Variants in DLG1 observed in about 807,000 individuals in gnomAD.
DLG1 encodes disks large homolog 1.
DLG1 carries 42 observed loss-of-function variants against 123.4 expected under a neutral mutation model. That is an observed-to-expected ratio of 0.34 (90% CI 0.27 to 0.44). DLG1 has a LOEUF of 0.44. DLG1 is among the 20% of genes least tolerant of loss of function. DLG1 has a pLI of 1.00. For missense variants in DLG1, 942 were observed against 1,082.6 expected (o/e 0.87, Z 1.82); for synonymous variants, 317 against 356.2 (o/e 0.89, Z 1.24).
intron 2 of DLG1, 161 bp downstream of exon 2, chr3:197,297,025 C>A: frequency 1.3e-6 from 1 of 754,878 alleles, no homozygotes; most frequent in Non-Finnish European, 2.1e-6. Flanking sequence ...TTTCGTGTTT[C>A]CATCTTCTGA....
intron 5 of DLG1, among the ~76,000 whole-genome samples, chr3:197,177,815 G>A (rs1244759991): frequency 6.6e-6 from 1 of 152,068 alleles, no homozygotes; most frequent in African/African-American, 2.4e-5. Flanking sequence ...ATTTCCTTGT[G>A]TGTATTTCTT....
chr3:197,115,046 C>G (rs1292173471), intron 13 of DLG1, among the ~76,000 whole-genome samples: 2 of 130,540 alleles, frequency 1.5e-5, no homozygotes, highest in Non-Finnish European at 3.3e-5. Context: ...CAGTCCTATA[C>G]AACAAATAAC....
intron 4 of DLG1, among the ~76,000 whole-genome samples, chr3:197,198,424 T>C (rs1433605138): frequency 1.4e-5 from 2 of 147,040 alleles, no homozygotes; most frequent in Admixed American, 7.0e-5. Context: ...GAAGTGGAGG[T>C]TGCAGTGAGT....
At chr3:197,140,051 T>G in intron 8 of DLG1, 89 bp downstream of exon 8, 1 of 1,421,072 alleles carries the variant, frequency 7.0e-7, no homozygotes, top group Non-Finnish European at 9.6e-7. Context: ...ATGATCGTGT[T>G]TGTTATTTGT....
In DLG1 at chr3:197,266,337, C is replaced by T. The variant is rs113528645; in HGVS notation, c.318+16342G>A. ...ATTTTAAAAGTTACTTTAACTCTGT[C>T]CCTTATGTTTATGAAGACAGAGAAG... On this transcript the variant is annotated intron_variant, in intron 4 of 24. Coordinates refer to ENST00000667157, the MANE Select transcript of DLG1 (RefSeq NM_001366207.1). Among the ~76,000 whole-genome samples, 1,158 of 152,148 alleles carry T rather than the reference C, an allele frequency of 7.6e-3. 11 individuals carry two copies. The highest frequency in any genetic ancestry group is 0.025 in the African/African-American group (1,046 of 41,488).
intron 7 of DLG1, 61 bp from the exon 8 acceptor site, chr3:197,140,325 G>A: frequency 6.5e-7 from 1 of 1,546,374 alleles, no homozygotes; most frequent in Admixed American, 1.8e-5. Context: ...ACAGGTTCCT[G>A]TCATTAAAGG....
chr3:197,253,957 C>T lies in DLG1; in HGVS notation c.318+28722G>A, dbSNP rs545137968. On this transcript the variant is annotated intron_variant, in intron 4 of 24. Transcript: ENST00000667157. The stretch of plus-strand genomic sequence containing the variant: ...AAAAGGAAATGGAAATTTCTGCACA[C>T]GAAGGAAAGAATCTAAACCCCAAAG... Among the ~76,000 whole-genome samples the T allele has an allele frequency of 4.6e-5, 7 of 151,542 alleles. No homozygotes were observed. The East Asian group carries it at 1.2e-3, about 25-fold the overall frequency.
chr3:197,189,579 T>C (rs1718135716), intron 5 of DLG1, among the ~76,000 whole-genome samples: 1 of 152,132 alleles, frequency 6.6e-6, no homozygotes, highest in South Asian at 2.1e-4. Flanking sequence ...GGACTAGTGG[T>C]TTCACTTAAG....
intron 2 of DLG1, 120 bp from the exon 3 acceptor site, chr3:197,296,597 T>C (rs1000230148): frequency 1.4e-5 from 12 of 835,908 alleles, no homozygotes; most frequent in Admixed American, 4.5e-5. Flanking sequence ...GGTCAATTGA[T>C]GTCACTATGT....
chr3:197,080,986 C>T (rs1750797493), intron 17 of DLG1, 65 bp downstream of exon 17: 1 of 1,440,696 alleles, frequency 6.9e-7, no homozygotes, highest in Admixed American at 1.8e-5. Flanking sequence ...ATAGCAAAAT[C>T]CTTTTCATTT....
At chr3:197,141,979 T>A (rs1461559239) in intron 7 of DLG1, among the ~76,000 whole-genome samples, 1 of 152,216 alleles carries the variant, frequency 6.6e-6, no homozygotes, top group East Asian at 1.9e-4. Context: ...AGTGCTGGGA[T>A]TACAGGCGTG....
At position 197,051,562 on chromosome 3, in the gene DLG1, C is replaced by T. The variant is rs772155204; in HGVS notation, c.2575+15G>A. 2 of 1,606,442 alleles carry T rather than the reference C, an allele frequency of 1.2e-6. No individual in the cohort carries two copies. The highest frequency in any genetic ancestry group is 8.5e-7 in the Non-Finnish European group (1 of 1,173,626). On this transcript the variant is annotated intron_variant, in intron 24 of 24. Coordinates refer to ENST00000667157, the MANE Select transcript of DLG1 (RefSeq NM_001366207.1). Reference sequence around the variant, plus strand: ...AATTCTATCTTAAAGAGGACTGTTACAACACGGTTCCAACCTGTGAAATGT... The same window carrying T: ...AATTCTATCTTAAAGAGGACTGTTATAACACGGTTCCAACCTGTGAAATGT...
At chr3:197,069,010 TTTTA>T (rs1560452277) in intron 19 of DLG1, among the ~76,000 whole-genome samples, 1 of 152,044 alleles carries the variant, frequency 6.6e-6, no homozygotes, top group Non-Finnish European at 1.5e-5. Flanking sequence ...CAAATAATAT[TTTTA>T]TTTTATTAAA....
intron 4 of DLG1, among the ~76,000 whole-genome samples, chr3:197,218,348 A>G (rs867800883): frequency 1.3e-5 from 2 of 152,220 alleles, no homozygotes; most frequent in African/African-American, 4.8e-5. Context: ...AGGAGTTCCC[A>G]GTGGTTTGCT....
intron 10 of DLG1, among the ~76,000 whole-genome samples, chr3:197,131,428 T>C (rs568621856): frequency 3.6e-4 from 55 of 152,190 alleles, no homozygotes; most frequent in African/African-American, 1.2e-3. Flanking sequence ...TTTTTGGCCA[T>C]TCACCTATCT....
intron 4 of DLG1, among the ~76,000 whole-genome samples, chr3:197,254,915 G>T (rs1756114830): frequency 6.6e-6 from 1 of 151,996 alleles, no homozygotes. Flanking sequence ...AATTAGCCGG[G>T]CGTGGTGGCA....
chr3:197,148,388 G>T (rs1279498361), intron 6 of DLG1, among the ~76,000 whole-genome samples: 1 of 144,072 alleles, frequency 6.9e-6, no homozygotes, highest in African/African-American at 2.6e-5. Context: ...TCCAGCCTGG[G>T]TGACAGAGTG....
intron 7 of DLG1, 120 bp from the exon 8 acceptor site, chr3:197,140,384 GGTGA>G (rs1787369867): frequency 1.0e-6 from 1 of 963,974 alleles, no homozygotes; most frequent in Non-Finnish European, 1.5e-6. Flanking sequence ...AAGGTATATG[GGTGA>G]GTAATATAAA....
intron 4 of DLG1, 29 bp downstream of exon 4, chr3:197,282,650 A>T: frequency 6.9e-7 from 1 of 1,447,974 alleles, no homozygotes; most frequent in Non-Finnish European, 9.1e-7. Flanking sequence ...TCACCAAAAA[A>T]CAGCTTCAGA....
Sources: gnomAD v4.1 joint callset for allele counts (sites outside exome capture counted in the v4.1 genomes callset) on GRCh38, gnomAD v4.1.1 for gene constraint, MANE v1.5 for transcripts, NCBI Gene and HGNC (gene_info 2026-07-23, HGNC 2026-07-21) for gene names.